Variants in FGF1 observed in about 807,000 individuals in gnomAD.
FGF1 encodes the protein fibroblast growth factor 1, also known as beta-endothelial cell growth factor.
Under a neutral mutation model 13.4 loss-of-function variants are expected in FGF1, and 9 were observed. That is an observed-to-expected ratio of 0.67 (90% CI 0.40 to 1.17). The LOEUF is 1.17. Ranked by LOEUF, FGF1 falls within the 50% of genes most tolerant of loss-of-function variation. The probability of loss-of-function intolerance (pLI) is 0.01; values close to 1 mark genes in which losing one functional copy is unlikely to be tolerated. For missense variants in FGF1, 156 were observed against 192.7 expected (o/e 0.81, Z 1.13); for synonymous variants, 93 against 79.0 (o/e 1.18, Z -0.94).
rs1192027988 is a variant in FGF1 at position 142,629,897 on chromosome 5, T to TATA, written c.-34-15737_-34-15736insTAT. On this transcript the variant is annotated intron_variant, in intron 1 of 3. Coordinates refer to ENST00000337706, the MANE Select transcript of FGF1 (RefSeq NM_000800.5). ...ATATATTATATATATATATATATAT[T>TATA]TTTTTTTTTTCTTTGAGATAGAGTC... Among the ~76,000 whole-genome samples the TATA allele has an allele frequency of 5.7e-3, 619 of 109,280 alleles. 2 individuals carry two copies. Among genetic ancestry groups the TATA allele is most frequent in the African/African-American group, 0.02 (508 of 25,664 alleles). The allele number at this position is 109,280 out of a possible 152,430, so 71.7% of individuals were successfully genotyped here.
At chr5:142,638,218 G>T (rs1436948669) in intron 1 of FGF1, among the ~76,000 whole-genome samples, 1 of 151,928 alleles carries the variant, frequency 6.6e-6, no homozygotes, top group Non-Finnish European at 1.5e-5. Context: ...AAACAAGAGT[G>T]AACTCCTTTT....
At chr5:142,624,127 C>A (rs1762093066) in intron 1 of FGF1, among the ~76,000 whole-genome samples, 1 of 152,074 alleles carries the variant, frequency 6.6e-6, no homozygotes, top group Non-Finnish European at 1.5e-5. Context: ...ACCACGTTGG[C>A]CAGGCTGGTC....
intron 2 of FGF1, among the ~76,000 whole-genome samples, chr5:142,605,497 C>T (rs1263349856): frequency 6.6e-6 from 1 of 152,132 alleles, no homozygotes; most frequent in Non-Finnish European, 1.5e-5. Flanking sequence ...ACCCACTTGT[C>T]TGGCCATGGG....
intron 1 of FGF1, among the ~76,000 whole-genome samples, chr5:142,620,574 C>T (rs116673294): frequency 5.5e-4 from 83 of 152,200 alleles, no homozygotes; most frequent in African/African-American, 1.8e-3. Context: ...TATCTAATGA[C>T]ATAGCCTCAA....
At chr5:142,608,544 A>ATATC (rs1554077098) in intron 2 of FGF1, among the ~76,000 whole-genome samples, 10 of 24,028 alleles carry the variant, frequency 4.2e-4, no homozygotes, top group South Asian at 1.5e-3. Context: ...ATACACATCT[A>ATATC]TATATATATA....
At chr5:142,633,065 G>A (rs111911423) in intron 1 of FGF1, among the ~76,000 whole-genome samples, 158 of 151,960 alleles carry the variant, frequency 1.0e-3, no homozygotes, top group African/African-American at 3.7e-3. Context: ...GACCACAGGC[G>A]CCCGCCACCA....
At chr5:142,652,340 A>G (rs1767408384) in intron 1 of FGF1, among the ~76,000 whole-genome samples, 1 of 152,214 alleles carries the variant, frequency 6.6e-6, no homozygotes, top group Admixed American at 6.5e-5. Context: ...AGGATGAAGA[A>G]ACACAAGAGG....
chr5:142,667,214 A>G (rs923255561), intron 1 of FGF1, among the ~76,000 whole-genome samples: 7 of 151,208 alleles, frequency 4.6e-5, no homozygotes, highest in Non-Finnish European at 1.0e-4. Flanking sequence ...AACCTGGGAG[A>G]CAGAGGTTGC....
chr5:142,668,543 G>A (rs990413853), intron 1 of FGF1, among the ~76,000 whole-genome samples: 1 of 152,188 alleles, frequency 6.6e-6, no homozygotes, highest in Non-Finnish European at 1.5e-5. Context: ...TAATAAAGGT[G>A]AAGTCATGGT....
At chr5:142,633,009 T>G (rs1763613738) in intron 1 of FGF1, among the ~76,000 whole-genome samples, 1 of 150,348 alleles carries the variant, frequency 6.7e-6, no homozygotes, top group Non-Finnish European at 1.5e-5. Context: ...AACCTCCACC[T>G]CCCAAATTCA....
At chr5:142,667,535 G>T (rs1427510848) in intron 1 of FGF1, among the ~76,000 whole-genome samples, 1 of 149,684 alleles carries the variant, frequency 6.7e-6, no homozygotes, top group African/African-American at 2.5e-5. Flanking sequence ...GCAGTGAGCT[G>T]AGATCGGGCC....
At chr5:142,672,908 C>T (rs929803047) in intron 1 of FGF1, among the ~76,000 whole-genome samples, 3 of 152,194 alleles carry the variant, frequency 2.0e-5, no homozygotes, top group Non-Finnish European at 2.9e-5. Context: ...CTGCTCCTAC[C>T]GTGAGACTTC....
chr5:142,671,158 G>A (rs1771390959), intron 1 of FGF1, among the ~76,000 whole-genome samples: 1 of 152,180 alleles, frequency 6.6e-6, no homozygotes, highest in Non-Finnish European at 1.5e-5. Context: ...TGAACATACT[G>A]TTTTATTCCT....
At chr5:142,623,695 CA>C (rs1762012787) in intron 1 of FGF1, among the ~76,000 whole-genome samples, 1 of 151,644 alleles carries the variant, frequency 6.6e-6, no homozygotes, top group Non-Finnish European at 1.5e-5. Context: ...TAGGATTGAA[CA>C]AGCTTGATTT....
At chr5:142,681,906 T>C (rs1219276896) in intron 1 of FGF1, among the ~76,000 whole-genome samples, 1 of 152,128 alleles carries the variant, frequency 6.6e-6, no homozygotes, top group African/African-American at 2.4e-5. Flanking sequence ...AAGGGCTCAA[T>C]AAATGTTGGG....
rs190117178 is a variant in FGF1, at chr5:142,613,813, C to A, written c.169+146G>T. The A allele has an allele frequency of 3.7e-6, 3 of 808,480 alleles. No individual in the cohort carries two copies. The East Asian group carries it at 8.4e-5, about 23-fold the overall frequency. 50.1% of individuals were successfully genotyped at this position (808,480 alleles called of 1,614,324 possible). A position where few individuals can be genotyped will look rare whatever the true frequency, so the allele number is the denominator to read the frequency against. ...ATTTTCTAAACCCAGACATTTTACGCATTTATGTGACTCCACCTCTGAATG... is the reference window on the plus strand; with the variant it reads ...ATTTTCTAAACCCAGACATTTTACGAATTTATGTGACTCCACCTCTGAATG... On this transcript the variant is annotated intron_variant, in intron 2 of 3. Coordinates refer to ENST00000337706, the MANE Select transcript of FGF1 (RefSeq NM_000800.5).
intron 1 of FGF1, among the ~76,000 whole-genome samples, chr5:142,678,013 G>C (rs1772974085): frequency 6.6e-6 from 1 of 152,132 alleles, no homozygotes; most frequent in Non-Finnish European, 1.5e-5. Context: ...TGAAGAACTG[G>C]GGGGAAAGCA....
rs530482231 is a variant in FGF1 at position 142,622,639 on chromosome 5, AG to A, written c.-34-8479del. On this transcript the variant is annotated intron_variant, in intron 1 of 3. Transcript: ENST00000337706. ...TTATCTAACCAAGAAAAATATTTGT[AG>A]GGCCTGGAAAAAACATCCAGGCTTT... Among the ~76,000 whole-genome samples, 52 of 152,336 alleles carry A rather than the reference AG, an allele frequency of 3.4e-4. No homozygotes were observed. In the South Asian group the frequency reaches 0.011, roughly 32 times the overall value.
At chr5:142,676,224 C>T (rs2152038970) in intron 1 of FGF1, among the ~76,000 whole-genome samples, 1 of 152,306 alleles carries the variant, frequency 6.6e-6, no homozygotes, top group Non-Finnish European at 1.5e-5. Context: ...ATGAAGACTT[C>T]CAAAAAACCT....
Sources: allele counts gnomAD v4.1 joint callset (sites outside exome capture counted in the v4.1 genomes callset), GRCh38; gene constraint gnomAD v4.1.1; transcripts MANE v1.5; gene names NCBI Gene and HGNC (gene_info 2026-07-23, HGNC 2026-07-21).